Variants in SCFD2 observed in about 807,000 individuals in gnomAD.
The protein encoded by SCFD2 is sec1 family domain-containing protein 2.
In SCFD2, 54 loss-of-function variants were observed where a neutral mutation model predicts 58.9. The ratio of observed to expected loss-of-function variants is 0.92; its 90% CI spans 0.74 to 1.15. SCFD2 has a LOEUF of 1.15. Among genes scored for constraint, SCFD2 ranks in the 50% most tolerant of loss-of-function variants. SCFD2 has a pLI of 0.00. For missense variants in SCFD2, 805 were observed against 836.6 expected, an observed-to-expected ratio of 0.96 and a Z score of 0.47; for synonymous variants, 321 against 335.9, an observed-to-expected ratio of 0.96 and a Z score of 0.49.
chr4:53,323,970 A>C (rs1329254423), intron 2 of SCFD2, among the ~76,000 whole-genome samples: 2 of 151,890 alleles, frequency 1.3e-5, no homozygotes, highest in Admixed American at 6.6e-5. Context: ...CCTATTAAAA[A>C]CCCCAAATAA....
At chr4:53,175,595 TTA>T (rs1346615179) in intron 4 of SCFD2, among the ~76,000 whole-genome samples, 1 of 152,236 alleles carries the variant, frequency 6.6e-6, no homozygotes, top group Non-Finnish European at 1.5e-5. Context: ...TATTTATGCC[TTA>T]TCTTTTCTCA....
intron 2 of SCFD2, among the ~76,000 whole-genome samples, chr4:53,341,244 G>A (rs1733861541): frequency 6.6e-6 from 1 of 152,188 alleles, no homozygotes; most frequent in Non-Finnish European, 1.5e-5. Flanking sequence ...AGAATAACCA[G>A]TGTAGAGAAG....
chr4:53,116,847 G>C (rs1369844123), intron 5 of SCFD2, among the ~76,000 whole-genome samples: 1 of 152,168 alleles, frequency 6.6e-6, no homozygotes, highest in Non-Finnish European at 1.5e-5. Flanking sequence ...GAAGGCAGAT[G>C]GATGTTAACA....
intron 1 of SCFD2, among the ~76,000 whole-genome samples, chr4:53,353,087 C>A (rs569375122): frequency 6.6e-6 from 1 of 152,302 alleles, no homozygotes; most frequent in South Asian, 2.1e-4. Context: ...AGACCCTCAA[C>A]GGTGAGTGTT....
At chr4:53,285,445 T>G (rs1159516659) in intron 3 of SCFD2, among the ~76,000 whole-genome samples, 1 of 152,024 alleles carries the variant, frequency 6.6e-6, no homozygotes, top group East Asian at 1.9e-4. Flanking sequence ...CATATCATTC[T>G]CTCAGGATTT....
intron 5 of SCFD2, among the ~76,000 whole-genome samples, chr4:53,113,720 A>C (rs896539704): frequency 4.6e-5 from 7 of 152,102 alleles, no homozygotes; most frequent in Non-Finnish European, 1.0e-4. Flanking sequence ...CACCCAGCAC[A>C]CTACCTGACA....
intron 4 of SCFD2, among the ~76,000 whole-genome samples, chr4:53,165,899 T>C (rs1349018882): frequency 6.6e-6 from 1 of 152,236 alleles, no homozygotes; most frequent in Non-Finnish European, 1.5e-5. Flanking sequence ...TTCTCAGATG[T>C]AGTTTTTTAA....
chr4:52,897,911 T>C (rs970555747), intron 7 of SCFD2, among the ~76,000 whole-genome samples: 2 of 152,206 alleles, frequency 1.3e-5, no homozygotes, highest in East Asian at 1.9e-4. Context: ...GGAATTTATC[T>C]ATTTCTTCTA....
At chr4:53,146,539 A>G (rs1376074668) in intron 4 of SCFD2, among the ~76,000 whole-genome samples, 1 of 152,190 alleles carries the variant, frequency 6.6e-6, no homozygotes, top group East Asian at 1.9e-4. Flanking sequence ...AGCACCTACT[A>G]TGTTCTAGGC....
chr4:52,879,925 A>G (rs1191920621), intron 8 of SCFD2, among the ~76,000 whole-genome samples: 1 of 152,200 alleles, frequency 6.6e-6, no homozygotes, highest in Admixed American at 6.5e-5. Context: ...TGACCCACAT[A>G]TGCACAGGCA....
At chr4:52,892,738 T>C (rs1207605960) in intron 7 of SCFD2, among the ~76,000 whole-genome samples, 1 of 152,192 alleles carries the variant, frequency 6.6e-6, no homozygotes, top group African/African-American at 2.4e-5. Flanking sequence ...AATTTTCTTA[T>C]CCATCTCCTT....
Position 53,344,204 on chromosome 4 carries a change from C to T in SCFD2, c.1007+8394G>A, listed in dbSNP as rs375531473. Among the ~76,000 whole-genome samples the T allele has an allele frequency of 7.9e-3, 1,170 of 148,744 alleles. 26 individuals carry two copies. The highest frequency in any genetic ancestry group is 0.062 in the East Asian group (278 of 4,458). ...TGATTGTATATTTAGAAAACCCCAT[C>T]ATCTCAGCCCAAAATCTCCTTAAGC... is the stretch of plus-strand genomic sequence containing the variant. On this transcript the variant is annotated intron_variant, in intron 2 of 8. Coordinates refer to ENST00000401642, the MANE Select transcript of SCFD2 (RefSeq NM_152540.4).
At chr4:53,035,838 G>A (rs907600915) in intron 5 of SCFD2, among the ~76,000 whole-genome samples, 1 of 152,148 alleles carries the variant, frequency 6.6e-6, no homozygotes, top group African/African-American at 2.4e-5. Context: ...AGATACTGGG[G>A]AGGGTGTGGA....
intron 8 of SCFD2, among the ~76,000 whole-genome samples, chr4:52,878,818 G>A (rs1021851551): frequency 6.6e-6 from 1 of 152,274 alleles, no homozygotes. Context: ...GATGCTCAAT[G>A]CTTGCCCATC....
rs184271020 is a variant in SCFD2, at chr4:53,094,019, G to A, written c.1561+51314C>T. On this transcript the variant is annotated intron_variant, in intron 5 of 8. Coordinates refer to ENST00000401642, the MANE Select transcript of SCFD2 (RefSeq NM_152540.4). ...TTATATACCTTAGTTAGGAACTGGG[G>A]AAAGAAACACGAGACTTAAAGTTAC... 4.0e-3 allele frequency among the ~76,000 whole-genome samples: 606 copies of A among 152,148 alleles called. 2 individuals carry two copies. The highest frequency in any genetic ancestry group is 0.014 in the African/African-American group (572 of 41,528).
chr4:52,920,960 T>C (rs550771848), intron 5 of SCFD2, 90 bp from the exon 6 acceptor site: 1 of 456,774 alleles, frequency 2.2e-6, no homozygotes, highest in Non-Finnish European at 3.4e-6. Context: ...AGTTGGGAGG[T>C]TTTTTTTTTT....
At chr4:53,096,373 G>C (rs1577723134) in intron 5 of SCFD2, among the ~76,000 whole-genome samples, 1 of 152,268 alleles carries the variant, frequency 6.6e-6, no homozygotes, top group East Asian at 1.9e-4. Context: ...ATCCTCTCCA[G>C]CACCTGTTGT....
intron 8 of SCFD2, among the ~76,000 whole-genome samples, chr4:52,884,288 C>A (rs376086204): frequency 3.3e-5 from 5 of 152,286 alleles, no homozygotes; most frequent in African/African-American, 1.2e-4. Context: ...GGGAAGGATG[C>A]AGCTCCTGGA....
At chr4:52,902,739 T>C (rs1426326994) in intron 7 of SCFD2, among the ~76,000 whole-genome samples, 2 of 152,228 alleles carry the variant, frequency 1.3e-5, no homozygotes, top group Non-Finnish European at 2.9e-5. Flanking sequence ...GATGCTATTA[T>C]CATCCCCGAT....
Sources: allele counts gnomAD v4.1 joint callset (sites outside exome capture counted in the v4.1 genomes callset), GRCh38; gene constraint gnomAD v4.1.1; transcripts MANE v1.5; gene names NCBI Gene and HGNC (gene_info 2026-07-23, HGNC 2026-07-21).